Variants in CFAP96 observed in about 807,000 individuals in gnomAD.
CFAP96 encodes the protein cilia-and flagella-associated protein 96.
At chr4:185,410,217 A>G in the CFAP96 span, among the ~76,000 whole-genome samples, 2 of 152,242 alleles carry the variant, frequency 1.3e-5, no homozygotes, top group Non-Finnish European at 2.9e-5. Context: ...ACTTCTAAAT[A>G]ATACATGGAC....
At chr4:185,412,542 G>A in the CFAP96 span, among the ~76,000 whole-genome samples, 1 of 152,162 alleles carries the variant, frequency 6.6e-6, no homozygotes, top group Non-Finnish European at 1.5e-5. Context: ...AATCTGAACT[G>A]AGAGGTGCAG....
At chr4:185,420,213 C>T in the CFAP96 span, among the ~76,000 whole-genome samples, 2 of 151,884 alleles carry the variant, frequency 1.3e-5, no homozygotes, top group Non-Finnish European at 2.9e-5. Context: ...GTTATGTCAC[C>T]AACATATTTG....
chr4:185,445,166 A>G, the CFAP96 span: 1 of 1,500,854 alleles, frequency 6.7e-7, no homozygotes, highest in Admixed American at 2.2e-5. Context: ...CAAACTAAGA[A>G]AAAATTGTTT....
the CFAP96 span, among the ~76,000 whole-genome samples, chr4:185,439,918 A>G: frequency 6.9e-6 from 1 of 145,660 alleles, no homozygotes; most frequent in Non-Finnish European, 1.5e-5. Context: ...TATATCTCAT[A>G]TATATGATAT....
At chr4:185,421,505 AG>A in the CFAP96 span, among the ~76,000 whole-genome samples, 2 of 152,172 alleles carry the variant, frequency 1.3e-5, 1 homozygote, top group Middle Eastern at 6.3e-3. Flanking sequence ...ATTCTTTAAA[AG>A]AGCCTGGCAC....
chr4:185,422,126 A>G, the CFAP96 span, among the ~76,000 whole-genome samples: 1 of 152,176 alleles, frequency 6.6e-6, no homozygotes, highest in Non-Finnish European at 1.5e-5. Context: ...TATTTAAGAG[A>G]GTAGGTTCTG....
chr4:185,445,176 T>C, the CFAP96 span: 2 of 1,461,108 alleles, frequency 1.4e-6, no homozygotes, highest in South Asian at 1.3e-5. Context: ...AAAAATTGTT[T>C]CCAACTTTTA....
At chr4:185,419,730 T>C in the CFAP96 span, among the ~76,000 whole-genome samples, 2 of 152,238 alleles carry the variant, frequency 1.3e-5, no homozygotes, top group Non-Finnish European at 2.9e-5. Context: ...TTCTTCTGTA[T>C]TGTAGCATGA....
the CFAP96 span, chr4:185,425,828 G>T: frequency 1.0e-5 from 16 of 1,598,048 alleles, no homozygotes; most frequent in East Asian, 9.1e-5. Context: ...AAAGTCCGGG[G>T]AAAAACACAG....
At chr4:185,411,790 G>A in the CFAP96 span, among the ~76,000 whole-genome samples, 2 of 152,250 alleles carry the variant, frequency 1.3e-5, no homozygotes, top group African/African-American at 4.8e-5. Context: ...AAATCATAAA[G>A]ATAATTAACT....
At chr4:185,444,495 A>C in the CFAP96 span, among the ~76,000 whole-genome samples, 129,128 of 152,072 alleles carry the variant, frequency 0.85, 55,752 homozygotes, top group East Asian at 0.99. Flanking sequence ...AAGTAGATCG[A>C]ATTTTCCTCT....
chr4:185,410,762 C>T, the CFAP96 span, among the ~76,000 whole-genome samples: 90 of 151,874 alleles, frequency 5.9e-4, 1 homozygote, highest in Admixed American at 1.6e-3. Flanking sequence ...CTGGCCAATA[C>T]GGTGAAACCC....
At chr4:185,443,342 A>ATATATATATATATTTTTTT in the CFAP96 span, among the ~76,000 whole-genome samples, 19 of 26,728 alleles carry the variant, frequency 7.1e-4, no homozygotes, top group African/African-American at 1.4e-3. Flanking sequence ...ATATATATAT[A>ATATATATATATATTTTTTT]TTTTTTTTTT....
the CFAP96 span, among the ~76,000 whole-genome samples, chr4:185,427,329 C>T: frequency 1.3e-5 from 2 of 152,128 alleles, no homozygotes; most frequent in South Asian, 4.1e-4. Context: ...TGGGGAAGGG[C>T]GTTGTATTTA....
the CFAP96 span, chr4:185,425,938 T>C: frequency 1 from 1,553,904 of 1,553,932 alleles, 776,938 homozygotes; most frequent in Middle Eastern, 1. Flanking sequence ...CCTGAAGTGG[T>C]GTCACCGCAC....
chr4:185,446,511 T>A, the CFAP96 span, among the ~76,000 whole-genome samples: 1 of 152,164 alleles, frequency 6.6e-6, no homozygotes, highest in Non-Finnish European at 1.5e-5. Context: ...AGCTTCAATA[T>A]GTATCCAATT....
At chr4:185,422,537 G>C in the CFAP96 span, 5 of 1,611,054 alleles carry the variant, frequency 3.1e-6, no homozygotes, top group Non-Finnish European at 3.4e-6. Flanking sequence ...TTATTCTGAA[G>C]AGTATATCCA....
chr4:185,428,657 G>A, the CFAP96 span, among the ~76,000 whole-genome samples: 1 of 151,796 alleles, frequency 6.6e-6, no homozygotes, highest in African/African-American at 2.4e-5. Context: ...TTTCACCTTT[G>A]TTTGAAGTGG....
the CFAP96 span, among the ~76,000 whole-genome samples, chr4:185,431,618 A>G: frequency 6.6e-6 from 1 of 152,202 alleles, no homozygotes; most frequent in East Asian, 1.9e-4. Context: ...CGACCTGCGC[A>G]CACACTCTCA....
Sources: allele counts gnomAD v4.1 joint callset (sites outside exome capture counted in the v4.1 genomes callset), GRCh38; gene constraint gnomAD v4.1.1; transcripts MANE v1.5; gene names NCBI Gene and HGNC (gene_info 2026-07-23, HGNC 2026-07-21).